MBTD1: variants seen among roughly 807,000 people sequenced by gnomAD.
MBTD1 encodes MBT domain-containing protein 1.
MBTD1 carries 24 observed loss-of-function variants against 87.8 expected under a neutral mutation model. That is an observed-to-expected ratio of 0.27 (90% CI 0.20 to 0.38). The LOEUF is 0.38. Ranked by LOEUF, MBTD1 falls within the 10% of genes least tolerant of loss-of-function variation. The probability of loss-of-function intolerance (pLI) is 1.00; values close to 1 mark genes in which losing one functional copy is unlikely to be tolerated. For synonymous variants in MBTD1, 237 were observed against 248.6 expected (o/e 0.95, Z 0.44); for missense variants, 436 against 760.2 (o/e 0.57, Z 5.02).
chr17:51,222,313 A>C (rs2052948398), intron 3 of MBTD1, among the ~76,000 whole-genome samples: 1 of 152,248 alleles, frequency 6.6e-6, no homozygotes, highest in African/African-American at 2.4e-5. Context: ...CACTAACAGG[A>C]GCTAACACAT....
At chr17:51,229,855 T>C (rs2053453450) in intron 2 of MBTD1, among the ~76,000 whole-genome samples, 1 of 152,000 alleles carries the variant, frequency 6.6e-6, no homozygotes. Context: ...AGAGATGGGA[T>C]TTCACCTCGT....
At position 51,179,536 on chromosome 17, in the gene MBTD1, A is replaced by ATATATATATG. The variant is rs2050232825; in HGVS notation, c.*1039_*1040insCATATATATA. On this transcript the variant is annotated 3_prime_UTR_variant, in exon 17 of 17. Coordinates refer to ENST00000586178, the MANE Select transcript of MBTD1 (RefSeq NM_017643.3). ...TATATATATATATATATATATATAT[A>ATATATATATG]TGGAATTTTAAGAAAATTAAATTCT... is the stretch of plus-strand genomic sequence containing the variant. 9.6e-6 allele frequency: 1 copy of ATATATATATG among 104,426 alleles called. No individual in the cohort carries two copies. Among genetic ancestry groups the ATATATATATG allele is most frequent in the African/African-American group, 3.0e-5 (1 of 32,882 alleles). The allele number at this position is 104,426 out of a possible 1,614,324, so 6.5% of individuals were successfully genotyped here.
intron 4 of MBTD1, among the ~76,000 whole-genome samples, 180 bp from the exon 5 acceptor site, chr17:51,219,224 T>G (rs941188491): frequency 1.3e-5 from 2 of 152,166 alleles, no homozygotes; most frequent in Non-Finnish European, 1.5e-5. Context: ...TCTGCTACAA[T>G]GTAGTTATCT....
At chr17:51,260,782 G>A (rs1466563988), upstream of MBTD1, 4 of 1,579,066 alleles carry the variant, frequency 2.5e-6, no homozygotes, top group Middle Eastern at 1.9e-4. Context: ...TCGCGGCGGC[G>A]GAGGAAGAGA....
At chr17:51,197,710 G>A (rs2051218991) in intron 12 of MBTD1, among the ~76,000 whole-genome samples, 1 of 151,908 alleles carries the variant, frequency 6.6e-6, no homozygotes, top group African/African-American at 2.4e-5. Context: ...TGCTCAGGCT[G>A]GTTTCAAACT....
At chr17:51,239,280 CTT>C (rs1490665883) in intron 2 of MBTD1, among the ~76,000 whole-genome samples, 2 of 152,108 alleles carry the variant, frequency 1.3e-5, no homozygotes, top group Admixed American at 6.5e-5. Flanking sequence ...TTTCATAAAA[CTT>C]AATTCATTAA....
chr17:51,190,227 C>G (rs1010604691), intron 16 of MBTD1, among the ~76,000 whole-genome samples: 1 of 152,144 alleles, frequency 6.6e-6, no homozygotes, highest in Non-Finnish European at 1.5e-5. Flanking sequence ...CTGGAAAAAT[C>G]TGTTTCAGTT....
rs2051564595 is a variant in MBTD1 at position 51,202,747 on chromosome 17, A to G, written c.1017T>C (p.His339=). The G allele has an allele frequency of 3.7e-6, 6 of 1,614,108 alleles. No homozygotes were observed. Among genetic ancestry groups the G allele is most frequent in the East Asian group, 2.2e-5 (1 of 44,862 alleles). The change falls in exon 10 of 17, where the codon CAT becomes CAC. Residue 339 remains histidine (H), a synonymous_variant. Coordinates refer to ENST00000586178, the MANE Select transcript of MBTD1 (RefSeq NM_017643.3). The part of the protein sequence containing the change: ...FWCHMHSPLI[H]HIGWSRSIGH... ...CTATGCTTCGAGACCAACCAATATG[A>G]TGTATTAATGGGCTGTGCATATGGC... is the stretch of plus-strand genomic sequence containing the variant.
chr17:51,190,962 T>C (rs1261474004), intron 16 of MBTD1, among the ~76,000 whole-genome samples: 1 of 151,450 alleles, frequency 6.6e-6, no homozygotes, highest in Non-Finnish European at 1.5e-5. Context: ...CACATGCCTG[T>C]GGTCCAAGCT....
chr17:51,194,876 C>G (rs114403840), intron 13 of MBTD1, among the ~76,000 whole-genome samples: 4 of 152,024 alleles, frequency 2.6e-5, no homozygotes, highest in African/African-American at 9.7e-5. Context: ...GGCAACAGAG[C>G]AAGACCCTGT....
chr17:51,252,498 GGGTGGATTACT>G (rs2054847953), intron 2 of MBTD1, among the ~76,000 whole-genome samples: 1 of 152,080 alleles, frequency 6.6e-6, no homozygotes, highest in Admixed American at 6.6e-5. Context: ...GACCAAGGGT[GGGTGGATTACT>G]TGAGGAGTAA....
intron 16 of MBTD1, among the ~76,000 whole-genome samples, chr17:51,189,365 C>G (rs1388725130): frequency 6.6e-6 from 1 of 152,122 alleles, no homozygotes; most frequent in African/African-American, 2.4e-5. Context: ...TGATGTCATA[C>G]TATTAGGAAA....
intron 2 of MBTD1, among the ~76,000 whole-genome samples, chr17:51,246,151 G>A (rs1445675036): frequency 6.6e-6 from 1 of 152,200 alleles, no homozygotes; most frequent in Non-Finnish European, 1.5e-5. Context: ...TTTGGAATAT[G>A]TGCATACGCA....
intron 1 of MBTD1, among the ~76,000 whole-genome samples, chr17:51,259,480 C>G (rs979876128): frequency 6.6e-6 from 1 of 152,168 alleles, no homozygotes; most frequent in Non-Finnish European, 1.5e-5. Context: ...CTACTCCACT[C>G]TCCCACCCTG....
intron 3 of MBTD1, among the ~76,000 whole-genome samples, chr17:51,224,524 C>A (rs967533731): frequency 2.6e-5 from 4 of 152,204 alleles, no homozygotes; most frequent in African/African-American, 9.7e-5. Context: ...ATTTGAGATA[C>A]TAAGAAATGA....
chr17:51,249,827 T>C (rs1164894810), intron 2 of MBTD1: 1 of 152,212 alleles, frequency 6.6e-6, no homozygotes, highest in East Asian at 1.9e-4. Flanking sequence ...ATTTGGTCTT[T>C]CAGTTTTAGA....
chr17:51,213,607 A>G (rs1455783885), intron 6 of MBTD1, among the ~76,000 whole-genome samples: 2 of 152,174 alleles, frequency 1.3e-5, no homozygotes, highest in Non-Finnish European at 2.9e-5. Flanking sequence ...TGAAAATTAT[A>G]GTCCAGCTAC....
intron 3 of MBTD1, among the ~76,000 whole-genome samples, chr17:51,223,094 G>A (rs920810927): frequency 4.0e-5 from 6 of 151,532 alleles, no homozygotes; most frequent in African/African-American, 1.5e-4. Flanking sequence ...ATGAGCCACC[G>A]CACCTGGCCA....
chr17:51,195,162 T>A, intron 13 of MBTD1, 52 bp downstream of exon 13: 2 of 1,545,906 alleles, frequency 1.3e-6, no homozygotes, highest in East Asian at 4.5e-5. Context: ...ACAAAAACCA[T>A]GTAAGAAGAA....
Sources: allele counts gnomAD v4.1 joint callset (sites outside exome capture counted in the v4.1 genomes callset), GRCh38; gene constraint gnomAD v4.1.1; transcripts MANE v1.5; gene names NCBI Gene and HGNC (gene_info 2026-07-23, HGNC 2026-07-21).